NBEAL1: variants seen among roughly 807,000 people sequenced by gnomAD.
NBEAL1 encodes neurobeachin like 1, also known as neurobeachin-like protein 1.
In NBEAL1, 273 loss-of-function variants were observed where a neutral mutation model predicts 351.3. The ratio of observed to expected loss-of-function variants is 0.78; its 90% CI spans 0.70 to 0.86. NBEAL1 has a LOEUF of 0.86. Among genes scored for constraint, NBEAL1 ranks in the 40% least tolerant of loss-of-function variants. NBEAL1 has a pLI of 0.00. For synonymous variants in NBEAL1, 1,050 were observed against 1,086.4 expected, an observed-to-expected ratio of 0.97 and a Z score of 0.66; for missense variants, 2,961 against 3,201.3, an observed-to-expected ratio of 0.92 and a Z score of 1.81.
intron 14 of NBEAL1, among the ~76,000 whole-genome samples, chr2:203,108,545 C>T (rs1231773022): frequency 1.3e-5 from 2 of 151,944 alleles, no homozygotes; most frequent in Non-Finnish European, 2.9e-5. Flanking sequence ...ACTACAGGCA[C>T]CCGCCACCAC....
At chr2:203,031,054 A>G (rs899592556) in intron 2 of NBEAL1, among the ~76,000 whole-genome samples, 1 of 152,242 alleles carries the variant, frequency 6.6e-6, no homozygotes, top group African/African-American at 2.4e-5. Flanking sequence ...TACTTTATGT[A>G]ACATTTAGAA....
rs776117213 is a variant in NBEAL1 at position 203,209,244 on chromosome 2, G to A, written c.7707G>A (p.Leu2569=). ...CACCTTGTGAGAGTTCTCTGTTCCT[G>A]ACCATTCCTAATTTGGCTATATCTT... ...LRPPCESSLF[L]TIPNLAISWE... The change falls in exon 53 of 56, where the codon CTG becomes CTA. Residue 2569 remains leucine (L), a synonymous_variant. Coordinates refer to ENST00000683969, the MANE Select transcript of NBEAL1 (RefSeq NM_001378026.1). 8.7e-6 allele frequency: 14 copies of A among 1,613,684 alleles called. No homozygotes were observed. Among genetic ancestry groups the A allele is most frequent in the Non-Finnish European group, 1.1e-5 (13 of 1,179,786 alleles).
At chr2:203,206,197 C>T (rs774783710) in intron 51 of NBEAL1, among the ~76,000 whole-genome samples, 2 of 152,010 alleles carry the variant, frequency 1.3e-5, no homozygotes, top group African/African-American at 2.4e-5. Context: ...AAGAAGAAAA[C>T]GAAGGTTGCA....
Position 203,219,159 on chromosome 2 carries a change from T to A in NBEAL1, c.*1805T>A, listed in dbSNP as rs1191365779. On this transcript the variant is annotated 3_prime_UTR_variant, in exon 56 of 56. Transcript: ENST00000683969. ...GCTATCTTTTTTTTTATCTTACAGT[T>A]TTTTAGGAGATTTCAAGTCGGCAGA... is the stretch of plus-strand genomic sequence containing the variant. 1.3e-5 allele frequency: 2 copies of A among 152,088 alleles called. No individual in the cohort carries two copies. The highest frequency in any genetic ancestry group is 2.9e-5 in the Non-Finnish European group (2 of 68,014). 9.4% of individuals were successfully genotyped at this position (152,088 alleles called of 1,614,324 possible).
At chr2:203,110,781 T>TC (rs1369456734) in intron 15 of NBEAL1, among the ~76,000 whole-genome samples, 1 of 145,698 alleles carries the variant, frequency 6.9e-6, no homozygotes. Context: ...TTTTTTTTTT[T>TC]TTTGAGATAG....
Position 203,125,504 on chromosome 2 carries a change from T to C in NBEAL1, c.2835T>C (p.Thr945=). The C allele has an allele frequency of 6.6e-7, 1 of 1,507,972 alleles. No homozygotes were observed. The highest frequency in any genetic ancestry group is 8.9e-7 in the Non-Finnish European group (1 of 1,129,662). 93.4% of individuals were successfully genotyped at this position (1,507,972 alleles called of 1,614,324 possible). A position where few individuals can be genotyped will look rare whatever the true frequency, so the allele number is the denominator to read the frequency against. The change falls in exon 20 of 56, where the codon ACT becomes ACC. Residue 945 remains threonine (T), a synonymous_variant. Coordinates refer to ENST00000683969, the MANE Select transcript of NBEAL1 (RefSeq NM_001378026.1). ...TPVEGDWLVW[T]STKASESRLE... ...TTGAAGGAGATTGGCTCGTATGGAC[T>C]TCCACAAAGGCCTCAGGTATTAAGA... is the stretch of plus-strand genomic sequence containing the variant.
intron 12 of NBEAL1, among the ~76,000 whole-genome samples, chr2:203,100,608 A>G (rs2062296149): frequency 6.8e-6 from 1 of 147,116 alleles, no homozygotes; most frequent in Non-Finnish European, 1.5e-5. Context: ...GTGCAGTAGC[A>G]CGATCTCAGC....
intron 49 of NBEAL1, among the ~76,000 whole-genome samples, chr2:203,200,370 A>G (rs2105809026): frequency 6.6e-6 from 1 of 152,234 alleles, no homozygotes; most frequent in East Asian, 1.9e-4. Context: ...AAAATTAGCC[A>G]GGCATGGTGG....
rs988782460 is a variant in NBEAL1 at position 203,046,372 on chromosome 2, C to G, written c.144-3442C>G. On this transcript the variant is annotated intron_variant, in intron 3 of 55. Transcript: ENST00000683969. The stretch of plus-strand genomic sequence containing the variant: ...CCAGGACTACAGGCACCCGCCACCA[C>G]GCTCGGCTAATTTTTTTTGTATTTT... Among the ~76,000 whole-genome samples the G allele has an allele frequency of 3.3e-5, 5 of 152,122 alleles. No individual in the cohort carries two copies. In the East Asian group the frequency reaches 5.8e-4, roughly 18 times the overall value.
intron 2 of NBEAL1, among the ~76,000 whole-genome samples, chr2:203,036,935 C>CG (rs2061049003): frequency 1.3e-5 from 2 of 149,186 alleles, no homozygotes; most frequent in Admixed American, 1.4e-4. Context: ...GTAAGGAAAA[C>CG]TTCAGCTTCT....
intron 7 of NBEAL1, among the ~76,000 whole-genome samples, chr2:203,074,423 G>A (rs1391949371): frequency 1.3e-5 from 2 of 150,092 alleles, no homozygotes; most frequent in Admixed American, 6.7e-5. Context: ...CGCCTCCCGG[G>A]TTCAAGCGAT....
chr2:203,105,636 A>G (rs1344669477), intron 12 of NBEAL1, among the ~76,000 whole-genome samples: 1 of 152,218 alleles, frequency 6.6e-6, no homozygotes, highest in Admixed American at 6.5e-5. Context: ...TATGTAATAC[A>G]TGTGGCTTAA....
chr2:203,084,022 T>TGTGTGTGTGTG (rs2061921121), intron 9 of NBEAL1, among the ~76,000 whole-genome samples: 1 of 106,522 alleles, frequency 9.4e-6, no homozygotes, highest in Non-Finnish European at 1.9e-5. Flanking sequence ...GTGTGTGTGT[T>TGTGTGTGTGTG]TCTCTTCCCT....
In NBEAL1 at chr2:203,131,964, C is replaced by T. The variant is rs750975388; in HGVS notation, c.3565-9C>T. On this transcript the variant is annotated splice_polypyrimidine_tract_variant and intron_variant, in intron 25 of 55. Coordinates refer to ENST00000683969, the MANE Select transcript of NBEAL1 (RefSeq NM_001378026.1). ...TCTATATTGAGAATATATTACTTGT[C>T]GTGACCAGATTATGGAACAAATGTT... The T allele has an allele frequency of 1.8e-5, 28 of 1,520,546 alleles. No homozygotes were observed. The highest frequency in any genetic ancestry group is 5.2e-5 in the South Asian group (4 of 77,222). 94.2% of individuals were successfully genotyped at this position (1,520,546 alleles called of 1,614,324 possible).
chr2:203,034,360 T>C (rs992148102), intron 2 of NBEAL1, among the ~76,000 whole-genome samples: 4 of 150,530 alleles, frequency 2.7e-5, no homozygotes, highest in Non-Finnish European at 5.9e-5. Context: ...GGTTTCACCA[T>C]GTTGGCCAGG....
intron 36 of NBEAL1, among the ~76,000 whole-genome samples, chr2:203,158,679 T>C (rs1267647455): frequency 6.6e-6 from 1 of 152,150 alleles, no homozygotes; most frequent in African/African-American, 2.4e-5. Flanking sequence ...TATTTATGCT[T>C]TGTTTGCTAC....
chr2:203,108,396 GTT>G (rs35488570), intron 14 of NBEAL1, among the ~76,000 whole-genome samples: 174 of 145,748 alleles, frequency 1.2e-3, no homozygotes, highest in African/African-American at 3.4e-3. Flanking sequence ...TGCTGGTTAA[GTT>G]TTTTTTTTTT....
intron 21 of NBEAL1, 136 bp downstream of exon 21, chr2:203,126,229 C>T: frequency 2.1e-6 from 2 of 940,720 alleles, no homozygotes; most frequent in Non-Finnish European, 3.1e-6. Context: ...AATTTGTTCA[C>T]AGGCAGCTTT....
intron 38 of NBEAL1, among the ~76,000 whole-genome samples, chr2:203,169,320 C>T (rs1262141338): frequency 7.3e-6 from 1 of 137,636 alleles, no homozygotes; most frequent in Non-Finnish European, 1.5e-5. Context: ...TATGGGATTT[C>T]TATTTGAGGT....
Sources: gnomAD v4.1 joint callset for allele counts (sites outside exome capture counted in the v4.1 genomes callset) on GRCh38, gnomAD v4.1.1 for gene constraint, MANE v1.5 for transcripts, NCBI Gene and HGNC (gene_info 2026-07-23, HGNC 2026-07-21) for gene names.